NCOA2: variants seen among roughly 807,000 people sequenced by gnomAD.
NCOA2 encodes the protein class E basic helix-loop-helix protein 75.
A neutral mutation model predicts 145.1 loss-of-function variants in NCOA2; 21 were observed. That is an observed-to-expected ratio of 0.14 (90% confidence interval 0.10 to 0.21). NCOA2 has a LOEUF of 0.21. Ranked by LOEUF, NCOA2 falls within the 10% of genes least tolerant of loss-of-function variation. NCOA2 has a pLI of 1.00. For synonymous variants in NCOA2, 619 were observed against 637.5 expected (o/e 0.97, Z 0.44); for missense variants, 1,472 against 1,837.6 (o/e 0.80, Z 3.64).
At chr8:70,242,386 G>T (rs542370382) in intron 2 of NCOA2, among the ~76,000 whole-genome samples, 1 of 152,042 alleles carries the variant, frequency 6.6e-6, no homozygotes, top group Non-Finnish European at 1.5e-5. Context: ...TGTTTATGTT[G>T]TACTATATTA....
chr8:70,135,332 A>G (rs4738071), intron 15 of NCOA2, among the ~76,000 whole-genome samples: 140,234 of 152,230 alleles, frequency 0.92, 64,748 homozygotes, highest in East Asian at 1. Flanking sequence ...TGTTAAAAAC[A>G]CAACTTCACA....
At chr8:70,424,214 G>A in the NCOA2 span, 1 of 344,978 alleles carries the variant, frequency 2.9e-6, no homozygotes, top group Middle Eastern at 1.0e-3. Context: ...CAGAAGTGGT[G>A]CAGCCCTCTA....
At chr8:70,191,652 A>G (rs914647896) in intron 4 of NCOA2, among the ~76,000 whole-genome samples, 19 of 152,262 alleles carry the variant, frequency 1.2e-4, no homozygotes, top group African/African-American at 4.1e-4. Flanking sequence ...GAGAGGGAGA[A>G]AGAGACATAC....
chr8:70,246,745 C>G (rs1355062394), intron 2 of NCOA2, among the ~76,000 whole-genome samples: 5 of 152,092 alleles, frequency 3.3e-5, no homozygotes, highest in Admixed American at 6.6e-5. Flanking sequence ...CTGGCAACCA[C>G]CACTCTACTT....
intron 16 of NCOA2, among the ~76,000 whole-genome samples, chr8:70,130,177 C>T (rs1808929351): frequency 1.3e-5 from 2 of 152,178 alleles, no homozygotes. Context: ...TGAATTACTG[C>T]TCTAACTAAA....
chr8:70,427,061 A>T, the NCOA2 span, among the ~76,000 whole-genome samples: 20,498 of 152,200 alleles, frequency 0.13, 1,634 homozygotes, highest in East Asian at 0.32. Flanking sequence ...CTGGGGTTAC[A>T]GGTGTGAGCA....
chr8:70,155,910 T>G, intron 11 of NCOA2, 61 bp downstream of exon 11: 1 of 1,347,422 alleles, frequency 7.4e-7, no homozygotes, highest in Non-Finnish European at 1.0e-6. Flanking sequence ...AATGCCCCTA[T>G]GGAGAAAATC....
chr8:70,190,224 A>G (rs1276886062), intron 4 of NCOA2, among the ~76,000 whole-genome samples: 1 of 152,192 alleles, frequency 6.6e-6, no homozygotes, highest in Non-Finnish European at 1.5e-5. Flanking sequence ...CTAAGAACAT[A>G]CCCTGCAGGA....
chr8:70,161,396 G>C (rs899256202), intron 9 of NCOA2, among the ~76,000 whole-genome samples: 5 of 152,030 alleles, frequency 3.3e-5, no homozygotes, highest in Non-Finnish European at 5.9e-5. Flanking sequence ...ATTGATTTCT[G>C]TCAATGTAGC....
intron 4 of NCOA2, among the ~76,000 whole-genome samples, chr8:70,179,323 A>G (rs1585979546): frequency 6.6e-6 from 1 of 152,242 alleles, no homozygotes; most frequent in East Asian, 1.9e-4. Flanking sequence ...AATCTAAATT[A>G]AAGTGGCCCT....
chr8:70,369,462 C>G (rs537861700), intron 1 of NCOA2, among the ~76,000 whole-genome samples: 1 of 152,256 alleles, frequency 6.6e-6, no homozygotes, highest in South Asian at 2.1e-4. Flanking sequence ...CATAATAGAA[C>G]AGAGAAATGT....
chr8:70,381,852 T>C (rs545981542), intron 1 of NCOA2, among the ~76,000 whole-genome samples: 3 of 152,340 alleles, frequency 2.0e-5, no homozygotes, highest in Admixed American at 1.3e-4. Flanking sequence ...ATAATATCCG[T>C]AATGGCATTT....
At chr8:70,286,917 T>C (rs1291485918) in intron 2 of NCOA2, among the ~76,000 whole-genome samples, 1 of 152,152 alleles carries the variant, frequency 6.6e-6, no homozygotes, top group Non-Finnish European at 1.5e-5. Flanking sequence ...TGAAATATAG[T>C]CAAAATGAAA....
intron 1 of NCOA2, among the ~76,000 whole-genome samples, chr8:70,300,128 T>C (rs1181998552): frequency 1.3e-5 from 2 of 152,128 alleles, no homozygotes; most frequent in Non-Finnish European, 2.9e-5. Context: ...AGTGTCAGGA[T>C]ATGGAAATGG....
the NCOA2 span, among the ~76,000 whole-genome samples, chr8:70,419,536 C>A: frequency 6.6e-6 from 1 of 151,664 alleles, no homozygotes; most frequent in South Asian, 2.1e-4. Context: ...ACTTTTTTTG[C>A]CCCTTTTCTT....
intron 1 of NCOA2, among the ~76,000 whole-genome samples, chr8:70,314,885 T>C (rs1805462886): frequency 6.6e-6 from 1 of 152,130 alleles, no homozygotes; most frequent in African/African-American, 2.4e-5. Flanking sequence ...TCATTGAACT[T>C]ATTCATTTTA....
Position 70,141,204 on chromosome 8 carries a change from T to A in NCOA2, c.3008A>T (p.Gln1003Leu). ...SSQPGQRQTL[Q>L]SQVMNIGPSE... is the part of the protein sequence containing the mutation. ...CTTACCTATATTCATGACCTGAGAC[T>A]GAAGCGTCTGTCTTTGGCCAGGCTG... The change falls in exon 14 of 23, where the codon CAG becomes CTG. Residue 1003 changes from glutamine to leucine, a missense_variant. Around this residue, in one of 4 missense-constraint regions of NCOA2, gnomAD observed 953 missense variants for 1,062.1 expected, o/e 0.90. Coordinates refer to ENST00000452400, the MANE Select transcript of NCOA2 (RefSeq NM_006540.4). 6.2e-7 allele frequency: 1 copy of A among 1,613,720 alleles called. No homozygotes were observed. The highest frequency in any genetic ancestry group is 8.5e-7 in the Non-Finnish European group (1 of 1,179,800).
chr8:70,390,362 G>T (rs1403313338), intron 1 of NCOA2, among the ~76,000 whole-genome samples: 3 of 152,130 alleles, frequency 2.0e-5, no homozygotes, highest in African/African-American at 7.2e-5. Context: ...CAAGCCAAGT[G>T]TTTTTCTGGA....
chr8:70,162,247 T>A (rs1454288203), intron 9 of NCOA2, among the ~76,000 whole-genome samples: 1 of 152,178 alleles, frequency 6.6e-6, no homozygotes, highest in African/African-American at 2.4e-5. Flanking sequence ...CTGAGACAAG[T>A]CGTGTCAACT....
Sources: gnomAD v4.1 joint callset for allele counts (sites outside exome capture counted in the v4.1 genomes callset) on GRCh38, gnomAD v4.1.1 for gene constraint, gnomAD v4.1.1 regional missense constraint, MANE v1.5 for transcripts, NCBI Gene and HGNC (gene_info 2026-07-23, HGNC 2026-07-21) for gene names.